Variants in AFDN observed in about 807,000 individuals in gnomAD.
AFDN encodes afadin, adherens junction formation factor.
In AFDN, 68 loss-of-function variants were observed where a neutral mutation model predicts 216.6. That is an observed-to-expected ratio of 0.31 (90% CI 0.26 to 0.38). The LOEUF (loss-of-function observed/expected upper bound fraction) is 0.38. Among genes scored for constraint, AFDN ranks in the 10% least tolerant of loss-of-function variants. The pLI is 1.00. For missense variants in AFDN, 2,136 were observed against 2,342.0 expected (o/e 0.91, Z 1.82); for synonymous variants, 868 against 853.7 (o/e 1.02, Z -0.29).
At chr6:167,960,231 A>G (rs1160924401) in intron 30 of AFDN, among the ~76,000 whole-genome samples, 3 of 152,256 alleles carry the variant, frequency 2.0e-5, no homozygotes, top group Admixed American at 2.0e-4. Context: ...AAGAGTGGAA[A>G]GAAACTGCCT....
At chr6:167,843,815 C>G (rs932238948) in intron 1 of AFDN, among the ~76,000 whole-genome samples, 8 of 152,166 alleles carry the variant, frequency 5.3e-5, no homozygotes, top group African/African-American at 1.9e-4. Context: ...TGCTTTTCAC[C>G]TGGTACTATA....
At chr6:167,858,002 G>C (rs753685000) in intron 1 of AFDN, among the ~76,000 whole-genome samples, 5 of 152,188 alleles carry the variant, frequency 3.3e-5, no homozygotes, top group Non-Finnish European at 5.9e-5. Context: ...TTTTTGTCAT[G>C]AGGGTTTAAA....
intron 30 of AFDN, among the ~76,000 whole-genome samples, chr6:167,956,122 A>C (rs964113086): frequency 4.1e-4 from 62 of 150,206 alleles, no homozygotes; most frequent in African/African-American, 1.5e-3. Context: ...CTCAAAAAAA[A>C]AAAAAAAAAA....
In AFDN at chr6:167,849,469, TTG is replaced by T. The variant is rs553345347; in HGVS notation, c.106-15081_106-15080del. On this transcript the variant is annotated intron_variant, in intron 1 of 33. Coordinates refer to ENST00000683244, the MANE Select transcript of AFDN (RefSeq NM_001386888.1). ...AAAAGTATCCTTATATGAGATTTTT[TTG>T]AACAGTGTAATGTTATAAAAACCCA... Among the ~76,000 whole-genome samples the T allele has an allele frequency of 1.4e-3, 213 of 152,296 alleles. 1 individual carries two copies. The highest frequency in any genetic ancestry group is 4.8e-3 in the African/African-American group (199 of 41,542).
rs1161242238 is a variant in AFDN at position 167,827,278 on chromosome 6, GCTGCGCCGCGCCCCGCCC to G, written c.105+44_105+61del. On this transcript the variant is annotated intron_variant, in intron 1 of 33. Transcript: ENST00000683244. ...CGCGGGGCCTGCGCGACCCCCGCCCGCTGCGCCGCGCCCCGCCCCTCCCCCCCGCCGCCGCCCGCCAGC... is the reference window on the plus strand; with the variant it reads ...CGCGGGGCCTGCGCGACCCCCGCCCGCTCCCCCCCGCCGCCGCCCGCCAGC... 1.5e-3 allele frequency: 1,286 copies of G among 864,216 alleles called. 9 individuals are homozygous for G. The highest frequency in any genetic ancestry group is 1.7e-3 in the Non-Finnish European group (1,257 of 719,070). The allele number at this position is 864,216 out of a possible 1,614,324, so 53.5% of individuals were successfully genotyped here.
chr6:167,851,514 C>T (rs1246346426), intron 1 of AFDN, among the ~76,000 whole-genome samples: 1 of 152,152 alleles, frequency 6.6e-6, no homozygotes, highest in African/African-American at 2.4e-5. Flanking sequence ...TAAGTGTAGG[C>T]AGTTGAGAAT....
rs1393124400 is a variant in AFDN, at chr6:167,949,389, A to T, written c.3831+911A>T. On this transcript the variant is annotated intron_variant, in intron 29 of 33. Coordinates refer to ENST00000683244, the MANE Select transcript of AFDN (RefSeq NM_001386888.1). ...GAAGAATGAGAACAGTAGGCAGCGGAGAGAGGATTGCACTGAGGAGATGGA... is the reference window on the plus strand; with the variant it reads ...GAAGAATGAGAACAGTAGGCAGCGGTGAGAGGATTGCACTGAGGAGATGGA... Among the ~76,000 whole-genome samples, 4 of 152,336 alleles carry T rather than the reference A, an allele frequency of 2.6e-5. No homozygotes were observed. In the South Asian group the frequency reaches 8.3e-4, roughly 32 times the overall value.
At chr6:167,910,949 G>T in intron 13 of AFDN, 152 bp from the exon 14 acceptor site, 1 of 672,766 alleles carries the variant, frequency 1.5e-6, no homozygotes. Context: ...ATTTGATTAG[G>T]CTACATCTGA....
intron 1 of AFDN, among the ~76,000 whole-genome samples, chr6:167,858,012 A>T (rs910697209): frequency 1.3e-5 from 2 of 152,204 alleles, no homozygotes; most frequent in African/African-American, 4.8e-5. Flanking sequence ...GAGGGTTTAA[A>T]ATGTTTTTAA....
intron 13 of AFDN, among the ~76,000 whole-genome samples, chr6:167,910,041 A>C (rs1240987373): frequency 6.6e-6 from 1 of 152,242 alleles, no homozygotes; most frequent in Non-Finnish European, 1.5e-5. Context: ...TTGAAGTTCT[A>C]ATCACATGGC....
In AFDN at chr6:167,951,785, C is replaced by A. The variant is rs760514727; in HGVS notation, c.4431C>A (p.Leu1477=). The A allele has an allele frequency of 6.8e-6, 11 of 1,614,156 alleles. No individual in the cohort carries two copies. The highest frequency in any genetic ancestry group is 8.5e-6 in the Non-Finnish European group (10 of 1,180,038). The stretch of plus-strand genomic sequence containing the variant: ...TGAAGCCCGAAAAGCCTTCCACACT[C>A]CAGCGGCCACAGGAAACAGTCATTC... ...QQMKPEKPST[L]QRPQETVIRE... is the part of the protein sequence containing the mutation. Residue 1477 remains leucine (L), a synonymous_variant, in exon 30 of 34, where the codon CTC becomes CTA. Transcript: ENST00000683244. This position sits in a 1 kb window ranked among gnomAD's most constrained non-coding sequence, Gnocchi z 7.1.
chr6:167,909,457 C>T (rs1241665330), intron 13 of AFDN, among the ~76,000 whole-genome samples: 1 of 151,872 alleles, frequency 6.6e-6, no homozygotes, highest in Non-Finnish European at 1.5e-5. Context: ...AATCTGTAAT[C>T]ATCATAAGTT....
intron 5 of AFDN, among the ~76,000 whole-genome samples, chr6:167,878,148 G>A (rs949358088): frequency 2.0e-5 from 3 of 151,472 alleles, no homozygotes; most frequent in Admixed American, 6.6e-5. Context: ...GTTTTTTAGC[G>A]CGCAGTCTTG....
chr6:167,966,087 C>T, intron 32 of AFDN, 42 bp downstream of exon 32: 1 of 1,537,590 alleles, frequency 6.5e-7, no homozygotes, highest in Non-Finnish European at 8.7e-7. Flanking sequence ...TCATGGGGAC[C>T]TTCTTCCTGC....
At chr6:167,888,140 G>A (rs1787100927) in intron 6 of AFDN, among the ~76,000 whole-genome samples, 1 of 152,202 alleles carries the variant, frequency 6.6e-6, no homozygotes, top group Non-Finnish European at 1.5e-5. Context: ...GTGAAGGTCA[G>A]ATCCTGAAGT....
chr6:167,853,406 T>G (rs759420499), intron 1 of AFDN, among the ~76,000 whole-genome samples: 1 of 152,062 alleles, frequency 6.6e-6, no homozygotes, highest in Non-Finnish European at 1.5e-5. Context: ...GTCAGTAGAC[T>G]AGTCTGCTGG....
At chr6:167,909,981 T>C (rs1790184973) in intron 13 of AFDN, among the ~76,000 whole-genome samples, 1 of 152,220 alleles carries the variant, frequency 6.6e-6, no homozygotes, top group Admixed American at 6.5e-5. Flanking sequence ...TTGGTAAATA[T>C]TGTATATAAA....
rs763036730 is a variant in AFDN at position 167,951,709 on chromosome 6, G to A, written c.4355G>A (p.Arg1452His). ...CAGGAGAGGAAGTTGGGCCAGATGCGCACTCAGTCCTTAAACCCTGCTCCG... is the reference window on the plus strand; with the variant it reads ...CAGGAGAGGAAGTTGGGCCAGATGCACACTCAGTCCTTAAACCCTGCTCCG... Reference protein sequence around the residue: ...REQERKLGQMRTQSLNPAPFS... With the variant: ...REQERKLGQMHTQSLNPAPFS... Residue 1452 changes from arginine to histidine, a missense_variant, in exon 30 of 34, where the codon CGC (arginine) becomes CAC (histidine). Arg to His is a conservative substitution (Grantham distance 29). Transcript: ENST00000683244. The surrounding 1 kb of genome is among the most constrained non-coding windows in gnomAD (Gnocchi z 7.1). 2.3e-5 allele frequency: 37 copies of A among 1,613,900 alleles called. No homozygotes were observed. Among genetic ancestry groups the A allele is most frequent in the African/African-American group, 4.0e-5 (3 of 74,862 alleles).
rs565283907 is a variant in AFDN at position 167,952,926 on chromosome 6, T to C, written c.4833+739T>C. 2.8e-4 allele frequency among the ~76,000 whole-genome samples: 43 copies of C among 152,382 alleles called. 1 individual carries two copies. The South Asian group carries it at 8.9e-3, about 32-fold the overall frequency. On this transcript the variant is annotated intron_variant, in intron 30 of 33. Transcript: ENST00000683244. Reference sequence around the variant, plus strand: ...CTCCACAGTATGAAAATGATTTTTGTTTTAAATAAACTAACAAAAGTATAA... The same window carrying C: ...CTCCACAGTATGAAAATGATTTTTGCTTTAAATAAACTAACAAAAGTATAA...
Sources: allele counts gnomAD v4.1 joint callset (sites outside exome capture counted in the v4.1 genomes callset), GRCh38; gene constraint gnomAD v4.1.1; non-coding constraint Gnocchi (gnomAD v3.1); transcripts MANE v1.5; gene names NCBI Gene and HGNC (gene_info 2026-07-23, HGNC 2026-07-21).